The following EMSY variants were observed in gnomAD, a reference collection of about 807,000 sequenced individuals.
EMSY encodes BRCA2-interacting transcriptional repressor EMSY.
EMSY carries 26 observed loss-of-function variants against 134.6 expected under a neutral mutation model. The ratio of observed to expected loss-of-function variants is 0.19; its 90% CI spans 0.14 to 0.27. The LOEUF (loss-of-function observed/expected upper bound fraction) is 0.27. Among genes scored for constraint, EMSY ranks in the 10% least tolerant of loss-of-function variants. The probability of loss-of-function intolerance (pLI) is 1.00; values close to 1 mark genes in which losing one functional copy is unlikely to be tolerated. For missense variants in EMSY, 1,305 were observed against 1,611.4 expected, an observed-to-expected ratio of 0.81 and a Z score of 3.26; for synonymous variants, 579 against 577.8, an observed-to-expected ratio of 1.00 and a Z score of -0.03.
chr11:76,453,610 G>A (rs1168649802), intron 4 of EMSY: 4 of 364,692 alleles, frequency 1.1e-5, no homozygotes, highest in Non-Finnish European at 2.0e-5. Context: ...GTCAAATCCT[G>A]TTACAATGTA....
intron 15 of EMSY, 71 bp from the exon 17 acceptor site, chr11:76,537,724 C>T: frequency 7.3e-7 from 1 of 1,374,900 alleles, no homozygotes. Flanking sequence ...GTTCATTATT[C>T]CTGTGGACAA....
intron 8 of EMSY, among the ~76,000 whole-genome samples, chr11:76,491,212 A>C (rs1201833538): frequency 7.8e-6 from 1 of 128,258 alleles, no homozygotes; most frequent in Non-Finnish European, 1.6e-5. Context: ...TAGGGGTCTT[A>C]CTCTGGCACC....
chr11:76,527,754 A>T (rs1950894686), intron 13 of EMSY, among the ~76,000 whole-genome samples: 1 of 151,954 alleles, frequency 6.6e-6, no homozygotes, highest in African/African-American at 2.4e-5. Flanking sequence ...TGTGTCAATT[A>T]GGAATTTGAT....
At chr11:76,541,165 G>T (rs1046081979) in intron 17 of EMSY, among the ~76,000 whole-genome samples, 2 of 152,236 alleles carry the variant, frequency 1.3e-5, no homozygotes, top group African/African-American at 2.4e-5. Context: ...GTCGGAAGTT[G>T]CAGTGAACAG....
At chr11:76,543,265 G>A (rs1056419343) in intron 18 of EMSY, among the ~76,000 whole-genome samples, 2 of 152,326 alleles carry the variant, frequency 1.3e-5, no homozygotes, top group Admixed American at 6.5e-5. Context: ...GAAAGGCAAC[G>A]GAGAATGTTG....
chr11:76,454,855 A>T, intron 4 of EMSY, 65 bp downstream of exon 5: 1 of 1,186,144 alleles, frequency 8.4e-7, no homozygotes, highest in South Asian at 1.5e-5. Context: ...TGAAGCTCTC[A>T]ATTATTCAGG....
At chr11:76,496,152 C>G in intron 8 of EMSY, 63 bp from the exon 10 acceptor site, 1 of 1,503,980 alleles carries the variant, frequency 6.6e-7, no homozygotes, top group Non-Finnish European at 9.0e-7. Context: ...ACTATAATAA[C>G]CAGAAGTAAC....
intron 5 of EMSY, 95 bp from the exon 7 acceptor site, chr11:76,459,838 A>G: frequency 1.4e-6 from 2 of 1,432,122 alleles, no homozygotes; most frequent in Non-Finnish European, 1.9e-6. Flanking sequence ...GATCACATGA[A>G]AATGTTAAAA....
chr11:76,486,596 G>A (rs902681496), intron 8 of EMSY, among the ~76,000 whole-genome samples: 1 of 152,126 alleles, frequency 6.6e-6, no homozygotes, highest in Non-Finnish European at 1.5e-5. Context: ...GATGATCAAA[G>A]TAGTGACTTT....
intron 8 of EMSY, among the ~76,000 whole-genome samples, chr11:76,488,294 C>T (rs538337959): frequency 6.6e-6 from 1 of 152,268 alleles, no homozygotes; most frequent in East Asian, 1.9e-4. Context: ...AGCATGACCT[C>T]ATCTCTACAA....
At chr11:76,487,418 G>A (rs967903959) in intron 8 of EMSY, among the ~76,000 whole-genome samples, 13 of 152,214 alleles carry the variant, frequency 8.5e-5, no homozygotes, top group African/African-American at 2.9e-4. Flanking sequence ...TTGTTTAACA[G>A]CTGATACAAG....
chr11:76,455,109 G>A (rs1169995409), intron 4 of EMSY, among the ~76,000 whole-genome samples: 2 of 152,084 alleles, frequency 1.3e-5, no homozygotes, highest in East Asian at 1.9e-4. Context: ...TAATATATGA[G>A]TTTCTTTAAT....
intron 9 of EMSY, among the ~76,000 whole-genome samples, chr11:76,503,403 C>T (rs189085368): frequency 1.2e-3 from 183 of 151,602 alleles, no homozygotes; most frequent in South Asian, 8.3e-3. Context: ...AGTATGGTAC[C>T]GGCATAAGAC....
chr11:76,477,878 T>C (rs935833242), intron 8 of EMSY, among the ~76,000 whole-genome samples: 1 of 152,224 alleles, frequency 6.6e-6, no homozygotes, highest in Non-Finnish European at 1.5e-5. Flanking sequence ...GTTTTTTTTC[T>C]TTTACTTTGG....
At chr11:76,500,472 G>C (rs1188900602) in intron 9 of EMSY, among the ~76,000 whole-genome samples, 4 of 152,196 alleles carry the variant, frequency 2.6e-5, no homozygotes, top group Non-Finnish European at 5.9e-5. Flanking sequence ...AGTCTAGACT[G>C]CAGACAGTTT....
At chr11:76,509,725 A>T (rs1225647195) in intron 9 of EMSY, among the ~76,000 whole-genome samples, 2 of 152,222 alleles carry the variant, frequency 1.3e-5, no homozygotes, top group African/African-American at 4.8e-5. Context: ...GAGGGGAGGT[A>T]TAAGAATCCA....
At chr11:76,477,708 T>G (rs765805617) in intron 8 of EMSY, among the ~76,000 whole-genome samples, 1 of 152,320 alleles carries the variant, frequency 6.6e-6, no homozygotes, top group South Asian at 2.1e-4. Flanking sequence ...TCTTCATAGT[T>G]GATTCATCTT....
At chr11:76,535,931 G>C (rs780519621) in exon 15 of EMSY, 7 of 1,565,092 alleles carry the variant, frequency 4.5e-6, no homozygotes, top group Non-Finnish European at 6.1e-6. Flanking sequence ...GCTTCCCGGC[G>C]TCAGGATTGG....
At chr11:76,446,363 G>GTGTATA (rs1947407936) in intron 1 of EMSY, among the ~76,000 whole-genome samples, 9 of 63,194 alleles carry the variant, frequency 1.4e-4, no homozygotes, top group African/African-American at 5.6e-4. Context: ...ATATATATAT[G>GTGTATA]TATGTATCGT....
Sources: allele counts gnomAD v4.1 joint callset (sites outside exome capture counted in the v4.1 genomes callset), GRCh38; gene constraint gnomAD v4.1.1; transcripts MANE v1.5; gene names NCBI Gene and HGNC (gene_info 2026-07-23, HGNC 2026-07-21).